Variants in ERCC6 observed in about 807,000 individuals in gnomAD.
ERCC6 encodes ERCC excision repair 6, chromatin remodeling factor.
In ERCC6, 116 loss-of-function variants were observed where a neutral mutation model predicts 158.7. The ratio of observed to expected loss-of-function variants is 0.73; its 90% CI spans 0.63 to 0.85. The LOEUF (loss-of-function observed/expected upper bound fraction) is 0.85, where lower values mean the gene tolerates loss of function less well. ERCC6 is among the 40% of genes least tolerant of loss of function. The pLI is 0.00. For synonymous variants in ERCC6, 678 were observed against 659.3 expected, an observed-to-expected ratio of 1.03 and a Z score of -0.43; for missense variants, 1,698 against 1,799.4, an observed-to-expected ratio of 0.94 and a Z score of 1.02.
At chr10:49,467,622 G>C (rs769513102) in intron 18 of ERCC6, among the ~76,000 whole-genome samples, 2 of 152,088 alleles carry the variant, frequency 1.3e-5, no homozygotes, top group Non-Finnish European at 1.5e-5. Flanking sequence ...CTGGAGTGCA[G>C]TGGCATGATC....
chr10:49,435,997 C>T, the ERCC6 span, among the ~76,000 whole-genome samples: 2 of 107,238 alleles, frequency 1.9e-5, no homozygotes, highest in East Asian at 5.7e-4. Context: ...ATCAGACTGT[C>T]TCAAAAAAAA....
chr10:49,523,033 T>G (rs1417120849), intron 5 of ERCC6, among the ~76,000 whole-genome samples: 1 of 152,258 alleles, frequency 6.6e-6, no homozygotes, highest in East Asian at 1.9e-4. Flanking sequence ...TAATGAGCAG[T>G]TCTAAGTAAC....
intron 5 of ERCC6, among the ~76,000 whole-genome samples, chr10:49,514,917 T>C (rs1400284520): frequency 1.3e-5 from 2 of 152,178 alleles, no homozygotes; most frequent in Non-Finnish European, 2.9e-5. Flanking sequence ...GTAAACTTAA[T>C]TGGCAAATCT....
chr10:49,538,502 A>C (rs912984470), intron 1 of ERCC6, among the ~76,000 whole-genome samples: 9 of 152,212 alleles, frequency 5.9e-5, no homozygotes, highest in African/African-American at 2.2e-4. Context: ...GACAGCAGTT[A>C]AGACGCTGCG....
At chr10:49,466,522 T>C (rs1002468435) in intron 18 of ERCC6, among the ~76,000 whole-genome samples, 2 of 152,236 alleles carry the variant, frequency 1.3e-5, no homozygotes, top group Admixed American at 6.5e-5. Flanking sequence ...AAGTACAGTA[T>C]TTGGTAAGTT....
At position 49,522,540 on chromosome 10, in the gene ERCC6, A is replaced by C. The variant is rs560645106; in HGVS notation, c.1397+1493T>G. On this transcript the variant is annotated intron_variant, in intron 5 of 20. Coordinates refer to ENST00000355832, the MANE Select transcript of ERCC6 (RefSeq NM_000124.4). ...AAATAATAAATTGTTTTACAATCTT[A>C]ACATTATTAAGAAAAACTTATTGCC... is the stretch of plus-strand genomic sequence containing the variant. Among the ~76,000 whole-genome samples the C allele has an allele frequency of 5.9e-5, 9 of 152,338 alleles. No homozygotes were observed. In the South Asian group the frequency reaches 1.2e-3, roughly 21 times the overall value.
At chr10:49,492,139 A>G (rs1359835704) in intron 8 of ERCC6, among the ~76,000 whole-genome samples, 1 of 152,230 alleles carries the variant, frequency 6.6e-6, no homozygotes, top group East Asian at 1.9e-4. Context: ...CTACCAAACC[A>G]TAGATTTTTC....
At chr10:49,461,940 C>T (rs1850590628) in intron 18 of ERCC6, among the ~76,000 whole-genome samples, 1 of 152,162 alleles carries the variant, frequency 6.6e-6, no homozygotes, top group Non-Finnish European at 1.5e-5. Flanking sequence ...AAAGACATCC[C>T]TTGCATTTGA....
At chr10:49,482,624 A>G (rs1400994920) in intron 10 of ERCC6, 63 bp downstream of exon 10, 1 of 1,440,600 alleles carries the variant, frequency 6.9e-7, no homozygotes, top group Non-Finnish European at 9.7e-7. Context: ...TACAAATTAT[A>G]GTATTTAATA....
intron 1 of ERCC6, among the ~76,000 whole-genome samples, chr10:49,537,815 C>T (rs148819321): frequency 7.6e-4 from 116 of 152,254 alleles, no homozygotes; most frequent in African/African-American, 2.6e-3. Flanking sequence ...CTCCGCCTTC[C>T]GGGTTCAAGC....
chr10:49,505,810 T>C (rs1030633137), intron 6 of ERCC6, 74 bp downstream of exon 6: 3 of 1,587,416 alleles, frequency 1.9e-6, no homozygotes, highest in African/African-American at 2.7e-5. Flanking sequence ...GTAACTACTA[T>C]GTAATTCCTA....
In ERCC6 at chr10:49,456,333, A is replaced by C. The variant is rs1850483457; in HGVS notation, c.*2482T>G. On this transcript the variant is annotated 3_prime_UTR_variant, in exon 21 of 21. Transcript: ENST00000355832. ...AAGGGGAATGTCAAGGAGAGTGCATACCCTGCTTCTTTAAAGGGCCAATTG... is the reference window on the plus strand; with the variant it reads ...AAGGGGAATGTCAAGGAGAGTGCATCCCCTGCTTCTTTAAAGGGCCAATTG... 6.6e-6 allele frequency: 1 copy of C among 152,184 alleles called. No homozygotes were observed. Among genetic ancestry groups the C allele is most frequent in the African/African-American group, 2.4e-5 (1 of 41,438 alleles). The allele number at this position is 152,184 out of a possible 1,614,324, so 9.4% of individuals were successfully genotyped here.
chr10:49,503,614 A>G (rs1851391520), intron 6 of ERCC6: 1 of 152,176 alleles, frequency 6.6e-6, no homozygotes, highest in Admixed American at 6.6e-5. Context: ...GATGAGGAAT[A>G]TAAGGGCCTG....
At chr10:49,439,396 T>G in the ERCC6 span, among the ~76,000 whole-genome samples, 1 of 152,328 alleles carries the variant, frequency 6.6e-6, no homozygotes, top group East Asian at 1.9e-4. Flanking sequence ...TTGGCCCCTT[T>G]CAGCCACAGC....
chr10:49,529,000 T>C (rs906025176), intron 3 of ERCC6, among the ~76,000 whole-genome samples: 10 of 152,236 alleles, frequency 6.6e-5, no homozygotes, highest in African/African-American at 2.4e-4. Flanking sequence ...ACCTACTATA[T>C]TTATGACTGT....
chr10:49,497,762 C>T (rs1031171596), intron 7 of ERCC6, among the ~76,000 whole-genome samples: 6 of 152,178 alleles, frequency 3.9e-5, no homozygotes, highest in Non-Finnish European at 8.8e-5. Context: ...ACCAAACAGA[C>T]TACAATTCCT....
chr10:49,471,469 G>A (rs1850779953), intron 16 of ERCC6, among the ~76,000 whole-genome samples: 1 of 152,018 alleles, frequency 6.6e-6, no homozygotes, highest in Non-Finnish European at 1.5e-5. Flanking sequence ...GTCCTGCCCT[G>A]CCTAGAACCT....
At chr10:49,489,168 AT>A (rs1851130024) in intron 8 of ERCC6, among the ~76,000 whole-genome samples, 1 of 152,206 alleles carries the variant, frequency 6.6e-6, no homozygotes, top group Non-Finnish European at 1.5e-5. Context: ...AAAGGTCTAG[AT>A]GATCTTGAAT....
Position 49,469,950 on chromosome 10 carries a change from G to T in ERCC6, c.3778+232C>A, listed in dbSNP as rs574747795. 1.1e-3 allele frequency among the ~76,000 whole-genome samples: 161 copies of T among 152,322 alleles called. 1 individual carries two copies. Among genetic ancestry groups the T allele is most frequent in the African/African-American group, 3.7e-3 (155 of 41,572 alleles). On this transcript the variant is annotated intron_variant, in intron 18 of 20. Transcript: ENST00000355832. ...TTTAAGAATTGCACACCTCCCATGA[G>T]TGGCCATAAGTACTATTGTTTTCCA...
Sources: gnomAD v4.1 joint callset for allele counts (sites outside exome capture counted in the v4.1 genomes callset) on GRCh38, gnomAD v4.1.1 for gene constraint, MANE v1.5 for transcripts, NCBI Gene and HGNC (gene_info 2026-07-23, HGNC 2026-07-21) for gene names.